CATSPERB: variants seen among roughly 807,000 people sequenced by gnomAD.
CATSPERB encodes cation channel sperm-associated auxiliary subunit beta.
Under a neutral mutation model 128.3 loss-of-function variants are expected in CATSPERB, and 93 were observed. The observed-to-expected ratio is 0.72, with a 90% CI of 0.61 to 0.86. CATSPERB has a LOEUF of 0.86. Ranked by LOEUF, CATSPERB falls within the 40% of genes least tolerant of loss-of-function variation. The probability of loss-of-function intolerance (pLI) is 0.00; values close to 1 mark genes in which losing one functional copy is unlikely to be tolerated. For missense variants in CATSPERB, 1,153 were observed against 1,329.5 expected (o/e 0.87, Z 2.06); for synonymous variants, 381 against 448.8 (o/e 0.85, Z 1.91).
rs769737568 is a variant in CATSPERB at position 91,659,848 on chromosome 14, G to A, written c.1421C>T (p.Ser474Leu). ...TFVSQRGKVYSTKAGMGRYSA... is the reference protein window; with the variant it reads ...TFVSQRGKVYLTKAGMGRYSA... ...AGCAAATTTCTTACCTGCCTTTGTC[G>A]AGTAAACCTTTCCACGTTGAGAAAC... The change falls in exon 15 of 27, where the codon TCG (serine) becomes TTG (leucine). Residue 474 changes from serine (S) to leucine (L), a missense_variant. Physicochemically the swap from Ser to Leu is moderately radical, Grantham distance 145. Coordinates refer to ENST00000256343, the MANE Select transcript of CATSPERB (RefSeq NM_024764.4). 7.5e-6 allele frequency: 12 copies of A among 1,604,172 alleles called. No individual in the cohort carries two copies. The highest frequency in any genetic ancestry group is 5.2e-5 in the Admixed American group (3 of 57,918).
rs1166519919 is a variant in CATSPERB at position 91,592,006 on chromosome 14, C to T, written c.2710-4G>A. The T allele has an allele frequency of 6.3e-7, 1 of 1,586,216 alleles. No homozygotes were observed. The highest frequency in any genetic ancestry group is 2.2e-5 in the East Asian group (1 of 44,728). On this transcript the variant is annotated splice_polypyrimidine_tract_variant and splice_region_variant and intron_variant, in intron 22 of 26. Coordinates refer to ENST00000256343, the MANE Select transcript of CATSPERB (RefSeq NM_024764.4). ...ACTGTTTGAATTTACCGGTTTTCTG[C>T]AAATAGAAGTAACAGATGTTGACTT...
intron 10 of CATSPERB, among the ~76,000 whole-genome samples, chr14:91,689,551 ATCTTTTCTTCAGTTTCCTATAATGT>A (rs1895431437): frequency 6.6e-6 from 1 of 152,142 alleles, no homozygotes; most frequent in African/African-American, 2.4e-5. Context: ...AATATATATT[ATCTTTTCTTCAGTTTCCTATAATGT>A]TCCTTTCCAC....
At chr14:91,583,910 A>G (rs1893251693) in intron 26 of CATSPERB, among the ~76,000 whole-genome samples, 2 of 151,696 alleles carry the variant, frequency 1.3e-5, no homozygotes, top group Non-Finnish European at 2.9e-5. Context: ...GAGCTTCACT[A>G]TGTTACCAGG....
intron 11 of CATSPERB, among the ~76,000 whole-genome samples, chr14:91,674,738 C>A (rs1261583313): frequency 1.3e-5 from 2 of 152,158 alleles, no homozygotes; most frequent in African/African-American, 4.8e-5. Flanking sequence ...ACAAATCAGA[C>A]ATGGAGACTC....
At chr14:91,581,344 T>C (rs1385286750) in intron 26 of CATSPERB, among the ~76,000 whole-genome samples, 1 of 152,212 alleles carries the variant, frequency 6.6e-6, no homozygotes, top group East Asian at 1.9e-4. Context: ...CTGTCTTTAA[T>C]GGTGGAAGGA....
At chr14:91,650,505 G>T (rs758444031) in intron 15 of CATSPERB, among the ~76,000 whole-genome samples, 4 of 152,184 alleles carry the variant, frequency 2.6e-5, no homozygotes, top group Admixed American at 6.5e-5. Context: ...ATTAGAATAT[G>T]CAACAGGCAT....
chr14:91,726,261 C>T (rs961766565), intron 2 of CATSPERB, among the ~76,000 whole-genome samples: 1 of 152,240 alleles, frequency 6.6e-6, no homozygotes, highest in African/African-American at 2.4e-5. Context: ...CACTGTAACA[C>T]ACACCCACTT....
chr14:91,708,089 T>C (rs1895765746), intron 6 of CATSPERB, 52 bp downstream of exon 6: 1 of 1,267,182 alleles, frequency 7.9e-7, no homozygotes, highest in Non-Finnish European at 1.2e-6. Context: ...GATGTCAAAG[T>C]TTGTTGAAAG....
intron 18 of CATSPERB, among the ~76,000 whole-genome samples, chr14:91,622,223 C>A (rs200142934): frequency 7.6e-6 from 1 of 131,324 alleles, no homozygotes; most frequent in Non-Finnish European, 1.7e-5. Context: ...TTTTTTTTTA[C>A]TATGGAAATA....
chr14:91,604,329 G>A (rs1050249583), intron 22 of CATSPERB: 26 of 762,504 alleles, frequency 3.4e-5, no homozygotes, highest in African/African-American at 1.2e-4. Context: ...TCCTATGAGG[G>A]ATGGGAGGAG....
intron 16 of CATSPERB, among the ~76,000 whole-genome samples, chr14:91,638,325 G>T (rs1894416232): frequency 6.6e-6 from 1 of 151,388 alleles, no homozygotes; most frequent in African/African-American, 2.4e-5. Context: ...TCCTTTTTTT[G>T]TTGTCACTAG....
At chr14:91,632,292 C>T (rs554542761) in intron 17 of CATSPERB, among the ~76,000 whole-genome samples, 147 of 151,802 alleles carry the variant, frequency 9.7e-4, no homozygotes, top group Non-Finnish European at 1.3e-3. Flanking sequence ...TGCCATGTAT[C>T]AATAACAAAA....
intron 15 of CATSPERB, among the ~76,000 whole-genome samples, chr14:91,654,316 T>G (rs1045724109): frequency 6.6e-6 from 1 of 152,140 alleles, no homozygotes; most frequent in Non-Finnish European, 1.5e-5. Flanking sequence ...GGGTCTCTGA[T>G]TCCAGGACTT....
chr14:91,684,534 T>C, intron 10 of CATSPERB, among the ~76,000 whole-genome samples: 1 of 152,018 alleles, frequency 6.6e-6, no homozygotes, highest in Non-Finnish European at 1.5e-5. Flanking sequence ...AATAATAAAA[T>C]CTGTATGATC....
At position 91,581,103 on chromosome 14, in the gene CATSPERB, T is replaced by C; in HGVS notation, c.3137A>G (p.Tyr1046Cys). 6.2e-7 allele frequency: 1 copy of C among 1,612,630 alleles called. No homozygotes were observed. The highest frequency in any genetic ancestry group is 8.5e-7 in the Non-Finnish European group (1 of 1,179,336). ...FCNLIEEFQI[Y>C]VDEAPLPFPG... The stretch of plus-strand genomic sequence containing the variant: ...GAATGGCAATGGTGCCTCATCAACA[T>C]AAATCTGCAACAGAAAAAGCAAAGT... The change falls in exon 27 of 27, where the codon TAT becomes TGT. Residue 1046 changes from tyrosine (Y) to cysteine (C), a missense_variant. Coordinates refer to ENST00000256343, the MANE Select transcript of CATSPERB (RefSeq NM_024764.4).
At chr14:91,714,362 G>T (rs1213274662) in intron 5 of CATSPERB, among the ~76,000 whole-genome samples, 1 of 150,666 alleles carries the variant, frequency 6.6e-6, no homozygotes. Flanking sequence ...ATTCCTAAAT[G>T]AGTGATTATC....
At chr14:91,712,947 G>A (rs1451725394) in intron 5 of CATSPERB, among the ~76,000 whole-genome samples, 2 of 152,196 alleles carry the variant, frequency 1.3e-5, no homozygotes, top group Non-Finnish European at 2.9e-5. Context: ...GCCCTGGCCA[G>A]GAATTGACTT....
intron 5 of CATSPERB, among the ~76,000 whole-genome samples, chr14:91,717,567 T>C (rs991000654): frequency 3.3e-5 from 5 of 152,162 alleles, no homozygotes; most frequent in Admixed American, 2.6e-4. Context: ...TAGGAATAAA[T>C]GAAATAACAT....
At chr14:91,715,886 T>C (rs779716167) in intron 5 of CATSPERB, among the ~76,000 whole-genome samples, 22 of 152,144 alleles carry the variant, frequency 1.4e-4, no homozygotes, top group Non-Finnish European at 2.8e-4. Context: ...GTATCCATAT[T>C]CCAAAAAATT....
Sources: gnomAD v4.1 joint callset for allele counts (sites outside exome capture counted in the v4.1 genomes callset) on GRCh38, gnomAD v4.1.1 for gene constraint, MANE v1.5 for transcripts, NCBI Gene and HGNC (gene_info 2026-07-23, HGNC 2026-07-21) for gene names.